BMPR1B: variants seen among roughly 807,000 people sequenced by gnomAD.
BMPR1B encodes the protein bone morphogenetic protein receptor type-1B.
In BMPR1B, 12 loss-of-function variants were observed where a neutral mutation model predicts 59.1. The observed-to-expected ratio is 0.20, with a 90% CI of 0.13 to 0.33. The LOEUF (loss-of-function observed/expected upper bound fraction) is 0.33, where lower values mean the gene tolerates loss of function less well. Ranked by LOEUF, BMPR1B falls within the 10% of genes least tolerant of loss-of-function variation. The pLI is 1.00. For missense variants in BMPR1B, 550 were observed against 610.9 expected (o/e 0.90, Z 1.05); for synonymous variants, 237 against 207.3 (o/e 1.14, Z -1.23).
rs1733452147 is a variant in BMPR1B at position 95,132,696 on chromosome 4, C to T, written c.1076+1184C>T. Among the ~76,000 whole-genome samples, 6 of 151,746 alleles carry T rather than the reference C, an allele frequency of 4.0e-5. No individual in the cohort carries two copies. The South Asian group carries it at 1.2e-3, about 32-fold the overall frequency. ...AATCCCACAATGCTTCTTAAATTACCAGCCTCTCTCTCCTTCTCTCACCCT... is the reference window on the plus strand; with the variant it reads ...AATCCCACAATGCTTCTTAAATTACTAGCCTCTCTCTCCTTCTCTCACCCT... On this transcript the variant is annotated intron_variant, in intron 10 of 12. Coordinates refer to ENST00000515059, the MANE Select transcript of BMPR1B (RefSeq NM_001203.3).
intron 10 of BMPR1B, among the ~76,000 whole-genome samples, chr4:95,144,962 T>C (rs1734537005): frequency 6.6e-6 from 1 of 152,328 alleles, no homozygotes; most frequent in Non-Finnish European, 1.5e-5. Context: ...CCTTGAAATG[T>C]ACATTTTCTA....
intron 1 of BMPR1B, among the ~76,000 whole-genome samples, chr4:94,787,820 A>C (rs543208349): frequency 6.6e-6 from 1 of 152,214 alleles, no homozygotes; most frequent in East Asian, 1.9e-4. Context: ...TAACCCACAC[A>C]GTATTTCCTT....
At chr4:95,060,437 A>C (rs1399215931) in intron 3 of BMPR1B, among the ~76,000 whole-genome samples, 2 of 152,214 alleles carry the variant, frequency 1.3e-5, no homozygotes, top group Non-Finnish European at 2.9e-5. Flanking sequence ...TTGTTTAATA[A>C]AACAGTTGTC....
intron 2 of BMPR1B, among the ~76,000 whole-genome samples, chr4:94,938,254 T>C (rs558502916): frequency 6.6e-6 from 1 of 152,216 alleles, no homozygotes; most frequent in East Asian, 1.9e-4. Flanking sequence ...AAGAAGTGCT[T>C]GGGAGTCTGA....
At chr4:94,982,875 C>T (rs565648089) in intron 2 of BMPR1B, among the ~76,000 whole-genome samples, 1 of 151,966 alleles carries the variant, frequency 6.6e-6, no homozygotes, top group East Asian at 1.9e-4. Flanking sequence ...GTCCCAGCTA[C>T]TCGGGAAGCT....
At chr4:95,090,437 G>GT (rs920937832) in intron 3 of BMPR1B, among the ~76,000 whole-genome samples, 1 of 151,888 alleles carries the variant, frequency 6.6e-6, no homozygotes, top group African/African-American at 2.4e-5. Flanking sequence ...CAGGTCATTT[G>GT]TTTAAAGTGG....
rs756055104 is a variant in BMPR1B at position 95,114,723 on chromosome 4, A to G, written c.147A>G (p.Thr49=). The G allele has an allele frequency of 3.4e-5, 55 of 1,612,956 alleles. No individual in the cohort carries two copies. The East Asian group carries it at 1.1e-3, about 32-fold the overall frequency. The change falls in exon 5 of 13, where the codon ACA becomes ACG. Residue 49 remains threonine, a synonymous_variant. Transcript: ENST00000515059. ...ACTTTGCTTGTTTGATCTTCAGCAC[A>G]GACGGATATTGTTTCACGATGATAG... ...PEDSVNNICS[T]DGYCFTMIEE...
intron 1 of BMPR1B, among the ~76,000 whole-genome samples, chr4:94,816,692 G>A (rs4455423): frequency 0.83 from 126,489 of 152,218 alleles, 52,712 homozygotes; most frequent in East Asian, 0.95. Flanking sequence ...TGCATTGTTT[G>A]CTACTTGGTT....
At chr4:94,802,511 G>A (rs1723447123) in intron 1 of BMPR1B, among the ~76,000 whole-genome samples, 1 of 152,204 alleles carries the variant, frequency 6.6e-6, no homozygotes, top group Admixed American at 6.5e-5. Flanking sequence ...TGTGGTGAAT[G>A]TGGCATTTTT....
intron 8 of BMPR1B, 119 bp downstream of exon 8, chr4:95,125,240 GT>G: frequency 1.5e-6 from 2 of 1,309,906 alleles, no homozygotes; most frequent in Middle Eastern, 2.3e-4. Context: ...TATGCAGTCT[GT>G]TGGACATCCG....
chr4:94,983,543 G>A (rs1158979845), intron 2 of BMPR1B, among the ~76,000 whole-genome samples: 3 of 152,126 alleles, frequency 2.0e-5, no homozygotes, highest in Admixed American at 1.3e-4. Flanking sequence ...ATGTCAACAG[G>A]CAGAGAGGAA....
chr4:95,081,224 T>C (rs1462678248), intron 3 of BMPR1B, among the ~76,000 whole-genome samples: 1 of 152,168 alleles, frequency 6.6e-6, no homozygotes, highest in African/African-American at 2.4e-5. Flanking sequence ...CATGCTCAAC[T>C]GTGAGTCAGT....
intron 1 of BMPR1B, among the ~76,000 whole-genome samples, chr4:94,822,128 T>C (rs1165915302): frequency 6.6e-6 from 1 of 152,230 alleles, no homozygotes; most frequent in Admixed American, 6.5e-5. Flanking sequence ...TCTTGCTGTG[T>C]CATCTCATGG....
At chr4:94,887,360 C>A (rs1395186929) in intron 2 of BMPR1B, among the ~76,000 whole-genome samples, 5 of 99,714 alleles carry the variant, frequency 5.0e-5, no homozygotes, top group South Asian at 3.3e-4. Flanking sequence ...AATTTTCATA[C>A]AAATCAATGG....
rs531199082 is a variant in BMPR1B at position 95,055,474 on chromosome 4, A to C, written c.-17-48934A>C. ...ATATACTGAAAATCTGAACTGTTAG[A>C]CCAACACAGCTGTTAAATGCATAAA... is the stretch of plus-strand genomic sequence containing the variant. On this transcript the variant is annotated intron_variant, in intron 3 of 12. Coordinates refer to ENST00000515059, the MANE Select transcript of BMPR1B (RefSeq NM_001203.3). 2.0e-5 allele frequency among the ~76,000 whole-genome samples: 3 copies of C among 152,314 alleles called. No individual in the cohort carries two copies. In the South Asian group the frequency reaches 6.2e-4, roughly 32 times the overall value.
chr4:95,072,522 T>C (rs553474470), intron 3 of BMPR1B, among the ~76,000 whole-genome samples: 2 of 152,254 alleles, frequency 1.3e-5, no homozygotes, highest in African/African-American at 4.8e-5. Context: ...CAGGTAACAC[T>C]TAATAGAGAC....
chr4:95,154,956 G>A lies in BMPR1B; in HGVS notation c.*283G>A, dbSNP rs1352644567. ...TTTCTAAGAAAGCCCTGTATTTTGT[G>A]ATTGCCTTTTTTTTTTTTTAAGATG... On this transcript the variant is annotated 3_prime_UTR_variant, in exon 13 of 13. Transcript: ENST00000515059. The A allele has an allele frequency of 1.6e-5, 6 of 364,944 alleles. No individual in the cohort carries two copies. Among genetic ancestry groups the A allele is most frequent in the Admixed American group, 8.4e-5 (2 of 23,940 alleles). The allele number at this position is 364,944 out of a possible 1,614,324, so 22.6% of individuals were successfully genotyped here.
At chr4:94,785,707 A>G (rs1157919531) in intron 1 of BMPR1B, among the ~76,000 whole-genome samples, 2 of 152,274 alleles carry the variant, frequency 1.3e-5, no homozygotes, top group Admixed American at 1.3e-4. Context: ...TATGTTGAAA[A>G]TTAACCCCAA....
intron 2 of BMPR1B, among the ~76,000 whole-genome samples, chr4:94,978,433 G>A (rs190626293): frequency 6.6e-6 from 1 of 152,114 alleles, no homozygotes; most frequent in Non-Finnish European, 1.5e-5. Context: ...TAGTTTCAAG[G>A]TCTCTCTAGT....
Sources: gnomAD v4.1 joint callset for allele counts (sites outside exome capture counted in the v4.1 genomes callset) on GRCh38, gnomAD v4.1.1 for gene constraint, MANE v1.5 for transcripts, NCBI Gene and HGNC (gene_info 2026-07-23, HGNC 2026-07-21) for gene names.